The following PCDH15 variants were observed in gnomAD, a reference collection of about 807,000 sequenced individuals.
PCDH15 encodes protocadherin related 15, also known as protocadherin-15.
A neutral mutation model predicts 178.5 loss-of-function variants in PCDH15; 129 were observed. The observed-to-expected ratio is 0.72, with a 90% CI of 0.63 to 0.84. The LOEUF (loss-of-function observed/expected upper bound fraction) is 0.84. Ranked by LOEUF, PCDH15 falls within the 40% of genes least tolerant of loss-of-function variation. PCDH15 has a pLI of 0.00. For synonymous variants in PCDH15, 800 were observed against 732.0 expected (o/e 1.09, Z -1.50); for missense variants, 2,230 against 2,099.9 (o/e 1.06, Z -1.21).
chr10:55,237,652 C>T (rs780696800), intron 1 of PCDH15, among the ~76,000 whole-genome samples: 11 of 152,090 alleles, frequency 7.2e-5, no homozygotes, highest in Non-Finnish European at 1.5e-4. Context: ...ACCTAAACAT[C>T]AAACAGGAAC....
chr10:54,748,188 G>A (rs750283456), intron 1 of PCDH15, among the ~76,000 whole-genome samples: 9 of 152,126 alleles, frequency 5.9e-5, no homozygotes, highest in Non-Finnish European at 8.8e-5. Flanking sequence ...TTAATAGGAT[G>A]CTTTGAGAAA....
chr10:55,208,599 C>G (rs903285232), intron 1 of PCDH15, among the ~76,000 whole-genome samples: 1 of 151,896 alleles, frequency 6.6e-6, no homozygotes, highest in African/African-American at 2.4e-5. Context: ...CTAAAATTCC[C>G]TTCTCACTTA....
intron 3 of PCDH15, among the ~76,000 whole-genome samples, chr10:54,387,543 A>G (rs1211790071): frequency 6.6e-6 from 1 of 152,192 alleles, no homozygotes; most frequent in East Asian, 1.9e-4. Flanking sequence ...TTTAATAAAC[A>G]TAGATGTGTA....
chr10:55,444,570 GA>G (rs1227099897), intron 2 of PCDH15, among the ~76,000 whole-genome samples: 1 of 152,006 alleles, frequency 6.6e-6, no homozygotes, highest in Non-Finnish European at 1.5e-5. Context: ...TAATTCAAAT[GA>G]AATAATAGAG....
chr10:53,905,052 C>G, intron 25 of PCDH15: 3 of 415,942 alleles, frequency 7.2e-6, no homozygotes, highest in South Asian at 5.7e-5. Context: ...ACCTCCCAAC[C>G]CTAACTTCAT....
intron 2 of PCDH15, among the ~76,000 whole-genome samples, chr10:55,451,880 C>G (rs1249935905): frequency 1.3e-5 from 2 of 152,146 alleles, no homozygotes; most frequent in African/African-American, 4.8e-5. Flanking sequence ...ACAGCTTTAG[C>G]TATATCTCTC....
At chr10:55,116,254 A>G (rs1837625618) in intron 2 of PCDH15, among the ~76,000 whole-genome samples, 1 of 152,176 alleles carries the variant, frequency 6.6e-6, no homozygotes, top group South Asian at 2.1e-4. Flanking sequence ...AAATCTTTCA[A>G]CCATTCTGAA....
intron 2 of PCDH15, among the ~76,000 whole-genome samples, chr10:55,539,059 C>T (rs1841697682): frequency 6.7e-6 from 1 of 149,452 alleles, no homozygotes; most frequent in Non-Finnish European, 1.5e-5. Flanking sequence ...TCCCTCCCTT[C>T]CTCTCTCTCT....
At chr10:54,190,497 G>A (rs979471728) in intron 11 of PCDH15, among the ~76,000 whole-genome samples, 1 of 152,104 alleles carries the variant, frequency 6.6e-6, no homozygotes, top group Non-Finnish European at 1.5e-5. Context: ...TCGAACCAGT[G>A]GGCTCAAGGG....
chr10:55,450,890 A>C (rs1839419823), intron 2 of PCDH15, among the ~76,000 whole-genome samples: 1 of 151,056 alleles, frequency 6.6e-6, no homozygotes, highest in Non-Finnish European at 1.5e-5. Context: ...CAGGTCTCTC[A>C]AATATGAATA....
chr10:54,314,941 T>A (rs1219993119), intron 8 of PCDH15, among the ~76,000 whole-genome samples: 3 of 152,208 alleles, frequency 2.0e-5, no homozygotes, highest in Non-Finnish European at 4.4e-5. Context: ...CTGTCATTCA[T>A]GGGCATTTAG....
intron 3 of PCDH15, among the ~76,000 whole-genome samples, chr10:54,520,714 A>C (rs1314944011): frequency 6.6e-6 from 1 of 151,406 alleles, no homozygotes; most frequent in Middle Eastern, 3.4e-3. Context: ...CCATTACTGG[A>C]TATATACCCA....
chr10:54,106,216 G>C (rs1590475231), intron 15 of PCDH15, among the ~76,000 whole-genome samples: 1 of 152,160 alleles, frequency 6.6e-6, no homozygotes, highest in Non-Finnish European at 1.5e-5. Flanking sequence ...ACAACTACGT[G>C]AATATATACT....
At chr10:55,429,890 A>G (rs1239289909) in intron 2 of PCDH15, among the ~76,000 whole-genome samples, 1 of 152,148 alleles carries the variant, frequency 6.6e-6, no homozygotes, top group Non-Finnish European at 1.5e-5. Context: ...TTTAATCTTT[A>G]GCTTTGTGCT....
At chr10:55,117,576 C>CGTGATGCCCAGA (rs1448431221) in intron 2 of PCDH15, among the ~76,000 whole-genome samples, 1 of 152,042 alleles carries the variant, frequency 6.6e-6, no homozygotes, top group Non-Finnish European at 1.5e-5. Context: ...CCATTTGAAC[C>CGTGATGCCCAGA]GTGATGCCCA....
At chr10:54,572,459 T>C (rs902158095) in intron 2 of PCDH15, among the ~76,000 whole-genome samples, 11 of 152,108 alleles carry the variant, frequency 7.2e-5, no homozygotes, top group African/African-American at 2.7e-4. Context: ...AATTTGATAC[T>C]TTAAGAACTT....
intron 2 of PCDH15, among the ~76,000 whole-genome samples, chr10:54,998,630 G>A (rs1839710073): frequency 6.6e-6 from 1 of 152,074 alleles, no homozygotes; most frequent in Non-Finnish European, 1.5e-5. Flanking sequence ...AAGAAATATT[G>A]TAAAGAAATA....
intron 35 of PCDH15, among the ~76,000 whole-genome samples, chr10:53,811,925 T>A (rs1440788834): frequency 1.3e-5 from 2 of 152,156 alleles, no homozygotes; most frequent in Non-Finnish European, 2.9e-5. Context: ...TTTTCACTTG[T>A]TTTTGGATGT....
At chr10:55,245,631 C>T (rs529702649) in intron 1 of PCDH15, among the ~76,000 whole-genome samples, 1 of 152,218 alleles carries the variant, frequency 6.6e-6, no homozygotes, top group South Asian at 2.1e-4. Context: ...TCTGAACCCT[C>T]AAACAGAGGC....
Sources: allele counts gnomAD v4.1 joint callset (sites outside exome capture counted in the v4.1 genomes callset), GRCh38; gene constraint gnomAD v4.1.1; transcripts MANE v1.5; gene names NCBI Gene and HGNC (gene_info 2026-07-23, HGNC 2026-07-21).